The following AKAP13 variants were observed in gnomAD, a reference collection of about 807,000 sequenced individuals.
AKAP13 encodes A-kinase anchor protein 13.
AKAP13 carries 80 observed loss-of-function variants against 264.5 expected under a neutral mutation model. The observed-to-expected ratio is 0.30, with a 90% CI of 0.25 to 0.36. The LOEUF is 0.36. Among genes scored for constraint, AKAP13 ranks in the 10% least tolerant of loss-of-function variants. The pLI is 1.00. For missense variants in AKAP13, 3,712 were observed against 3,435.2 expected, an observed-to-expected ratio of 1.08 and a Z score of -2.01; for synonymous variants, 1,380 against 1,250.2, an observed-to-expected ratio of 1.10 and a Z score of -2.19.
chr15:85,648,665 C>T (rs1006162424), intron 10 of AKAP13, among the ~76,000 whole-genome samples: 1 of 152,038 alleles, frequency 6.6e-6, no homozygotes, highest in Non-Finnish European at 1.5e-5. Context: ...ATAATGGGAC[C>T]TTGTCTCTAC....
At chr15:85,709,241 A>G (rs558623788) in intron 18 of AKAP13, among the ~76,000 whole-genome samples, 14 of 152,226 alleles carry the variant, frequency 9.2e-5, no homozygotes, top group South Asian at 4.1e-4. Context: ...CCTTTTTTCC[A>G]TAGTACTTAT....
chr15:85,516,708 G>GA (rs1231605448), intron 2 of AKAP13, among the ~76,000 whole-genome samples: 3 of 151,836 alleles, frequency 2.0e-5, no homozygotes, highest in African/African-American at 7.3e-5. Flanking sequence ...TGGTTAAAAA[G>GA]AAAAAAAGAA....
At chr15:85,475,400 T>A (rs548974601) in intron 1 of AKAP13, among the ~76,000 whole-genome samples, 19 of 152,238 alleles carry the variant, frequency 1.2e-4, no homozygotes, top group African/African-American at 3.9e-4. Flanking sequence ...CATTGGGAGT[T>A]TTCTTCTCCA....
chr15:85,709,889 T>A (rs2086540585), intron 18 of AKAP13, among the ~76,000 whole-genome samples: 1 of 152,054 alleles, frequency 6.6e-6, no homozygotes, highest in Non-Finnish European at 1.5e-5. Context: ...GGTTTCGCCA[T>A]GTTGGCTGGG....
chr15:85,633,530 T>C (rs2081942539), intron 8 of AKAP13, among the ~76,000 whole-genome samples: 1 of 138,120 alleles, frequency 7.2e-6, no homozygotes, highest in African/African-American at 2.9e-5. Flanking sequence ...AATGACTTTT[T>C]TTTTCTTTTT....
intron 8 of AKAP13, among the ~76,000 whole-genome samples, chr15:85,627,244 T>G (rs1437105563): frequency 1.3e-5 from 2 of 152,188 alleles, no homozygotes; most frequent in African/African-American, 4.8e-5. Context: ...CAGGACATAT[T>G]GTTATTTCAA....
At chr15:85,533,471 T>C in intron 3 of AKAP13, 113 bp from the exon 4 acceptor site, 1 of 1,061,310 alleles carries the variant, frequency 9.4e-7, no homozygotes, top group Non-Finnish European at 1.3e-6. Flanking sequence ...GAGGGGGTGT[T>C]TTTTAGGAGG....
At chr15:85,736,587 A>G (rs572305859) in intron 33 of AKAP13, among the ~76,000 whole-genome samples, 1 of 152,296 alleles carries the variant, frequency 6.6e-6, no homozygotes, top group East Asian at 1.9e-4. Flanking sequence ...TTGTAGAGAC[A>G]GGGCTTTGCC....
At chr15:85,458,642 T>C (rs1028352348) in intron 1 of AKAP13, among the ~76,000 whole-genome samples, 1 of 152,204 alleles carries the variant, frequency 6.6e-6, no homozygotes, top group African/African-American at 2.4e-5. Context: ...TAGACAGATT[T>C]CTACTGCGTT....
chr15:85,562,966 G>A (rs1183663711), intron 5 of AKAP13, among the ~76,000 whole-genome samples: 2 of 150,508 alleles, frequency 1.3e-5, no homozygotes, highest in African/African-American at 4.9e-5. Flanking sequence ...CACCTGCTTC[G>A]GTCTCCCAAG....
At chr15:85,525,780 A>G (rs2077018047) in intron 3 of AKAP13, among the ~76,000 whole-genome samples, 1 of 152,190 alleles carries the variant, frequency 6.6e-6, no homozygotes, top group Non-Finnish European at 1.5e-5. Flanking sequence ...CAAAATCTGG[A>G]CATCCTTTGA....
intron 2 of AKAP13, among the ~76,000 whole-genome samples, chr15:85,516,761 C>A (rs1377415055): frequency 1.3e-5 from 2 of 152,134 alleles, no homozygotes; most frequent in Non-Finnish European, 2.9e-5. Context: ...GGTGTAAATA[C>A]TCCCATAATG....
In AKAP13 at chr15:85,727,320, T is replaced by C; in HGVS notation, c.7005-61T>C. 1 of 1,612,872 alleles carries C rather than the reference T, an allele frequency of 6.2e-7. No individual in the cohort carries two copies. The highest frequency in any genetic ancestry group is 1.7e-5 in the Admixed American group (1 of 59,996). On this transcript the variant is annotated intron_variant, in intron 28 of 36. Transcript: ENST00000394518. The surrounding 1 kb of genome is among the most constrained non-coding windows in gnomAD (Gnocchi z 5.3). ...TGTGTGATTTCATAACAGGCTGGAC[T>C]GTGACCAGAGTAATTGACATCTTAG...
chr15:85,727,870 G>A lies in AKAP13; in HGVS notation c.7087+407G>A, dbSNP rs542404024. Among the ~76,000 whole-genome samples the A allele has an allele frequency of 1.3e-5, 2 of 152,196 alleles. No homozygotes were observed. The highest frequency in any genetic ancestry group is 2.9e-5 in the Non-Finnish European group (2 of 68,032). On this transcript the variant is annotated intron_variant, in intron 29 of 36. Coordinates refer to ENST00000394518, the MANE Select transcript of AKAP13 (RefSeq NM_007200.5). This position sits in a 1 kb window ranked among gnomAD's most constrained non-coding sequence, Gnocchi z 5.3. ...ATTTAATCCTCCCCCAGTCCCTAGC[G>A]TTATCACTTATCCGCATGTTTACAA... is the stretch of plus-strand genomic sequence containing the variant.
At chr15:85,703,853 A>AATATATAT (rs1555461459) in intron 17 of AKAP13, among the ~76,000 whole-genome samples, 1 of 142,500 alleles carries the variant, frequency 7.0e-6, no homozygotes, top group Non-Finnish European at 1.5e-5. Flanking sequence ...AAAAAAAAAA[A>AATATATAT]ATATATATAT....
intron 5 of AKAP13, among the ~76,000 whole-genome samples, chr15:85,567,394 C>G (rs527532988): frequency 6.6e-6 from 1 of 152,218 alleles, no homozygotes; most frequent in Non-Finnish European, 1.5e-5. Flanking sequence ...GCGTGAGCCA[C>G]CACGCCCAGC....
In AKAP13 at chr15:85,708,972, G is replaced by A. The variant is rs2086475024; in HGVS notation, c.5532+886G>A. 6.6e-6 allele frequency among the ~76,000 whole-genome samples: 1 copy of A among 152,162 alleles called. No individual in the cohort carries two copies. The highest frequency in any genetic ancestry group is 1.5e-5 in the Non-Finnish European group (1 of 68,024). On this transcript the variant is annotated intron_variant, in intron 18 of 36. Transcript: ENST00000394518. This position sits in a 1 kb window ranked among gnomAD's most constrained non-coding sequence, Gnocchi z 4.3. The stretch of plus-strand genomic sequence containing the variant: ...CATTTCTAGTAAGTTCCCAGATGAT[G>A]CTGATAGTCCGAGGACCTTACTTTG...
intron 5 of AKAP13, among the ~76,000 whole-genome samples, chr15:85,546,891 G>A (rs1341717347): frequency 6.6e-6 from 1 of 152,064 alleles, no homozygotes; most frequent in East Asian, 1.9e-4. Flanking sequence ...TTACAGGCAT[G>A]CGCCACCATG....
chr15:85,723,135 C>A lies in AKAP13; in HGVS notation c.6560C>A (p.Ala2187Asp). Residue 2187 changes from alanine (A) to aspartate (D), a missense_variant, in exon 26 of 37, where the codon GCT becomes GAT. By Grantham distance (126) the Ala-to-Asp change is moderately radical. Around this residue, in one of 3 missense-constraint regions of AKAP13, gnomAD observed 342 missense variants for 484.3 expected, o/e 0.71. Transcript: ENST00000394518. ...SLSLVKDVIG[A>D]VDSKVASYEK... ...AGCCTGGTGAAGGATGTGATTGGAG[C>A]TGTAGACAGCAAAGTGGCAAGTTAT... The A allele has an allele frequency of 6.2e-7, 1 of 1,614,138 alleles. No individual in the cohort carries two copies. The highest frequency in any genetic ancestry group is 8.5e-7 in the Non-Finnish European group (1 of 1,180,002).
Sources: gnomAD v4.1 joint callset for allele counts (sites outside exome capture counted in the v4.1 genomes callset) on GRCh38, gnomAD v4.1.1 for gene constraint, gnomAD v4.1.1 regional missense constraint, Gnocchi (gnomAD v3.1) non-coding constraint, MANE v1.5 for transcripts, NCBI Gene and HGNC (gene_info 2026-07-23, HGNC 2026-07-21) for gene names.